Variants in ARHGEF12 observed in about 807,000 individuals in gnomAD.
ARHGEF12 encodes Rho guanine nucleotide exchange factor 12, also known as KMT2A/ARHGEF12 fusion protein.
In ARHGEF12, 66 loss-of-function variants were observed where a neutral mutation model predicts 211.2. The ratio of observed to expected loss-of-function variants is 0.31; its 90% CI spans 0.26 to 0.38. The LOEUF (loss-of-function observed/expected upper bound fraction) is 0.38. Ranked by LOEUF, ARHGEF12 falls within the 10% of genes least tolerant of loss-of-function variation. The pLI is 1.00. For synonymous variants in ARHGEF12, 592 were observed against 638.4 expected (o/e 0.93, Z 1.09); for missense variants, 1,429 against 1,869.5 (o/e 0.76, Z 4.34).
intron 1 of ARHGEF12, among the ~76,000 whole-genome samples, chr11:120,372,631 G>A (rs1299129608): frequency 6.6e-6 from 1 of 152,142 alleles, no homozygotes; most frequent in Non-Finnish European, 1.5e-5. Context: ...TATATGGTAA[G>A]GCAGGTGCTC....
In ARHGEF12 at chr11:120,441,791, G is replaced by A. The variant is rs1055902467; in HGVS notation, c.1177G>A (p.Val393Ile). The change falls in exon 14 of 41, where the codon GTT (valine) becomes ATT (isoleucine). Residue 393 changes from valine (V) to isoleucine (I), a missense_variant. Around this residue, in one of 7 missense-constraint regions of ARHGEF12, gnomAD observed 11 missense variants for 32.9 expected, o/e 0.33. Transcript: ENST00000397843. ...AHLAVFLHHV[V>I]SQFDPATLLC... The stretch of plus-strand genomic sequence containing the variant: ...TTTGGCTGTTTTCTTACACCATGTA[G>A]TTTCACAATTTGACCCTGCGACTTT... The A allele has an allele frequency of 6.2e-7, 1 of 1,613,780 alleles. No homozygotes were observed. Among genetic ancestry groups the A allele is most frequent in the Non-Finnish European group, 8.5e-7 (1 of 1,179,792 alleles).
chr11:120,473,666 G>T (rs377033651), intron 31 of ARHGEF12, among the ~76,000 whole-genome samples: 1 of 152,190 alleles, frequency 6.6e-6, no homozygotes, highest in Non-Finnish European at 1.5e-5. Flanking sequence ...ACAGTGCAGG[G>T]ATTACAGGCA....
chr11:120,343,523 A>T (rs1385843512), intron 1 of ARHGEF12, among the ~76,000 whole-genome samples: 1 of 152,358 alleles, frequency 6.6e-6, no homozygotes, highest in Admixed American at 6.5e-5. Context: ...GAAAAAATAC[A>T]CTAACTTTAC....
intron 4 of ARHGEF12, among the ~76,000 whole-genome samples, chr11:120,419,279 T>C (rs185246552): frequency 3.9e-5 from 6 of 152,104 alleles, no homozygotes; most frequent in Non-Finnish European, 8.8e-5. Flanking sequence ...GTCTTTAGAA[T>C]AGCAAATGTT....
chr11:120,465,113 A>G, intron 27 of ARHGEF12, 124 bp from the exon 28 acceptor site: 1 of 1,216,486 alleles, frequency 8.2e-7, no homozygotes, highest in Non-Finnish European at 1.2e-6. Flanking sequence ...TTCCACATAG[A>G]TATGCAGTTC....
At chr11:120,373,436 A>G (rs1455911033) in intron 1 of ARHGEF12, among the ~76,000 whole-genome samples, 2 of 152,350 alleles carry the variant, frequency 1.3e-5, no homozygotes, top group South Asian at 2.1e-4. Flanking sequence ...GCAAAACACA[A>G]AAGAGTGAAA....
At chr11:120,426,200 G>T (rs1379522465) in intron 7 of ARHGEF12, among the ~76,000 whole-genome samples, 4 of 152,056 alleles carry the variant, frequency 2.6e-5, no homozygotes, top group Non-Finnish European at 5.9e-5. Flanking sequence ...GCATAAATAT[G>T]GTTTATGTTA....
intron 1 of ARHGEF12, among the ~76,000 whole-genome samples, chr11:120,383,526 T>C (rs1943936254): frequency 6.6e-6 from 1 of 152,092 alleles, no homozygotes; most frequent in African/African-American, 2.4e-5. Flanking sequence ...CTGTGGGTGA[T>C]GGGAAACAAT....
intron 11 of ARHGEF12, among the ~76,000 whole-genome samples, chr11:120,432,162 A>G (rs1945564359): frequency 6.6e-6 from 1 of 152,202 alleles, no homozygotes; most frequent in Non-Finnish European, 1.5e-5. Context: ...CCCAGCAGGC[A>G]TCTTGTTCGT....
At position 120,485,270 on chromosome 11, in the gene ARHGEF12, GTTTGTGAGGGAATATCCATTCCC is replaced by G; in HGVS notation, c.*195_*217del. The G allele has an allele frequency of 1.8e-6, 1 of 569,744 alleles. No homozygotes were observed. The highest frequency in any genetic ancestry group is 1.9e-5 in the African/African-American group (1 of 53,468). The allele number at this position is 569,744 out of a possible 1,614,324, so 35.3% of individuals were successfully genotyped here. A position where few individuals can be genotyped will look rare whatever the true frequency, so the allele number is the denominator to read the frequency against. On this transcript the variant is annotated 3_prime_UTR_variant, in exon 41 of 41. Transcript: ENST00000397843. ...CACAGTGTGGCAGCTGCACTAATCT[GTTTGTGAGGGAATATCCATTCCC>G]TCACTCTACTCTCCTCACTATCGGA...
At chr11:120,371,686 T>C (rs1176706988) in intron 1 of ARHGEF12, among the ~76,000 whole-genome samples, 1 of 152,158 alleles carries the variant, frequency 6.6e-6, no homozygotes, top group Non-Finnish European at 1.5e-5. Flanking sequence ...TCAGTGCAAA[T>C]ATGATAATTA....
At chr11:120,341,204 C>T (rs1942524945) in intron 1 of ARHGEF12, among the ~76,000 whole-genome samples, 2 of 124,348 alleles carry the variant, frequency 1.6e-5, no homozygotes, top group South Asian at 2.7e-4. Context: ...ATTACAGGCA[C>T]CCACCACCAC....
At chr11:120,432,021 A>G in intron 11 of ARHGEF12, 110 bp downstream of exon 11, 4 of 1,011,106 alleles carry the variant, frequency 4.0e-6, no homozygotes, top group Non-Finnish European at 5.3e-6. Context: ...ACTTTTTACC[A>G]TCCCCATTTT....
chr11:120,379,312 T>G (rs1167519513), intron 1 of ARHGEF12, among the ~76,000 whole-genome samples: 1 of 152,016 alleles, frequency 6.6e-6, no homozygotes, highest in Non-Finnish European at 1.5e-5. Flanking sequence ...GTGCTTTTTT[T>G]ATATAGATCT....
chr11:120,455,304 A>G (rs1946330558), intron 22 of ARHGEF12, among the ~76,000 whole-genome samples: 1 of 152,174 alleles, frequency 6.6e-6, no homozygotes, highest in Admixed American at 6.5e-5. Context: ...TAAAAAATCC[A>G]TTCCTAACAT....
intron 1 of ARHGEF12, among the ~76,000 whole-genome samples, chr11:120,399,320 C>CAAA (rs1944481788): frequency 9.7e-5 from 1 of 10,300 alleles, no homozygotes; most frequent in Non-Finnish European, 1.7e-4. Context: ...GACATTGTCT[C>CAAA]CAAAAAAAAA....
intron 4 of ARHGEF12, among the ~76,000 whole-genome samples, chr11:120,415,926 T>C (rs1945014907): frequency 6.6e-6 from 1 of 152,212 alleles, no homozygotes; most frequent in South Asian, 2.1e-4. Flanking sequence ...TAAATGTGGC[T>C]AATACAGTGG....
intron 1 of ARHGEF12, among the ~76,000 whole-genome samples, chr11:120,345,811 G>A (rs1290144435): frequency 6.6e-6 from 1 of 151,516 alleles, no homozygotes; most frequent in Non-Finnish European, 1.5e-5. Flanking sequence ...ATGGGGGAAG[G>A]CTTTATTTAA....
chr11:120,382,965 C>T (rs1943919292), intron 1 of ARHGEF12, among the ~76,000 whole-genome samples: 1 of 152,112 alleles, frequency 6.6e-6, no homozygotes, highest in African/African-American at 2.4e-5. Context: ...TGGTGAAACC[C>T]CATTTCTACT....
Sources: allele counts gnomAD v4.1 joint callset (sites outside exome capture counted in the v4.1 genomes callset), GRCh38; gene constraint gnomAD v4.1.1; regional missense constraint gnomAD v4.1.1; transcripts MANE v1.5; gene names NCBI Gene and HGNC (gene_info 2026-07-23, HGNC 2026-07-21).